The following PWWP2A variants were observed in gnomAD, a reference collection of about 807,000 sequenced individuals.
PWWP2A encodes PWWP domain containing 2A.
A neutral mutation model predicts 48.5 loss-of-function variants in PWWP2A; 18 were observed. The ratio of observed to expected loss-of-function variants is 0.37; its 90% CI spans 0.26 to 0.55. The LOEUF (loss-of-function observed/expected upper bound fraction) is 0.55. PWWP2A is among the 20% of genes least tolerant of loss of function. PWWP2A has a pLI of 0.81. For missense variants in PWWP2A, 867 were observed against 976.4 expected (o/e 0.89, Z 1.49); for synonymous variants, 396 against 387.7 (o/e 1.02, Z -0.25).
At chr5:160,115,928 C>T (rs1344752651) in intron 1 of PWWP2A, among the ~76,000 whole-genome samples, 1 of 151,526 alleles carries the variant, frequency 6.6e-6, no homozygotes, top group Non-Finnish European at 1.5e-5. Context: ...AACATAAGTG[C>T]GAATTACAAA....
In PWWP2A at chr5:160,078,131, C is replaced by T. The variant is rs1220989360; in HGVS notation, c.*24G>A. ...TGGTGTTCTCTGTGTCATTGTGGTA[C>T]AGGTCCATGAAACCAGCAGCCTGCT... On this transcript the variant is annotated 3_prime_UTR_variant, in exon 4 of 4. Transcript: ENST00000456329. This position sits in a 1 kb window ranked among gnomAD's most constrained non-coding sequence, Gnocchi z 4.2. The T allele has an allele frequency of 1.1e-5, 17 of 1,551,546 alleles. No individual in the cohort carries two copies. The highest frequency in any genetic ancestry group is 1.3e-5 in the Non-Finnish European group (15 of 1,143,488).
At chr5:160,088,095 T>A (rs551512832), downstream of PWWP2A, among the ~76,000 whole-genome samples, 1 of 152,366 alleles carries the variant, frequency 6.6e-6, no homozygotes, top group South Asian at 2.1e-4. Flanking sequence ...AACTGTAAAT[T>A]TGGAATATGA....
the PWWP2A span, among the ~76,000 whole-genome samples, chr5:160,045,454 CCACACACACACACACACA>C: frequency 2.1e-3 from 82 of 38,902 alleles, no homozygotes; most frequent in South Asian, 5.0e-3. Context: ...CCCCCACCCT[CCACACACACACACACACA>C]CACACACACA....
intron 1 of PWWP2A, among the ~76,000 whole-genome samples, chr5:160,108,803 C>A (rs1377156578): frequency 6.6e-6 from 1 of 152,178 alleles, no homozygotes. Context: ...TGAAATACAG[C>A]TAGCTACCCC....
chr5:160,105,553 CA>C (rs573797023), intron 1 of PWWP2A: 21,781 of 218,826 alleles, frequency 0.1, 17 homozygotes, highest in Non-Finnish European at 0.11. Flanking sequence ...GACTCCATCT[CA>C]AAAAAAAAAA....
At chr5:160,065,110 G>C in intron 4 of PWWP2A, 1 of 1,593,406 alleles carries the variant, frequency 6.3e-7, no homozygotes, top group Non-Finnish European at 8.5e-7. Flanking sequence ...ATTGTGTGCT[G>C]CTTGCTGTTA....
chr5:160,054,346 G>A, the PWWP2A span, among the ~76,000 whole-genome samples: 1 of 152,224 alleles, frequency 6.6e-6, no homozygotes, highest in Non-Finnish European at 1.5e-5. Context: ...GGGTACAGTA[G>A]CTCATGCCTG....
At chr5:160,053,574 G>A in the PWWP2A span, among the ~76,000 whole-genome samples, 23 of 152,108 alleles carry the variant, frequency 1.5e-4, no homozygotes, top group Non-Finnish European at 2.9e-4. Flanking sequence ...TAAAAAAAAA[G>A]AAAATTATAA....
Position 160,065,167 on chromosome 5 carries a change from T to C in PWWP2A, c.*236+1381A>G, listed in dbSNP as rs2113432413. ...ATGTTTAACTTTTAAAAGCATCTTA[T>C]CTAAAAGAAAGGCTATCCAGTAGAG... On this transcript the variant is annotated intron_variant and NMD_transcript_variant, in intron 4 of 5. Coordinates refer to the PWWP2A transcript ENST00000524050. 4 of 1,505,144 alleles carry C rather than the reference T, an allele frequency of 2.7e-6. No individual in the cohort carries two copies. The East Asian group carries it at 9.1e-5, about 34-fold the overall frequency. The allele number at this position is 1,505,144 out of a possible 1,614,324, so 93.2% of individuals were successfully genotyped here.
At chr5:160,079,802 T>G (rs192722722) in intron 3 of PWWP2A, among the ~76,000 whole-genome samples, 1 of 152,238 alleles carries the variant, frequency 6.6e-6, no homozygotes, top group Admixed American at 6.5e-5. Flanking sequence ...ATCTTAAGGG[T>G]AGCTACCACT....
In PWWP2A at chr5:160,091,704, G is replaced by GACT. The variant is rs2113521845; in HGVS notation, c.*675_*677dup. 1.0e-6 allele frequency: 1 copy of GACT among 985,188 alleles called. No individual in the cohort carries two copies. The highest frequency in any genetic ancestry group is 4.7e-5 in the South Asian group (1 of 21,284). 61.0% of individuals were successfully genotyped at this position (985,188 alleles called of 1,614,324 possible). A position where few individuals can be genotyped will look rare whatever the true frequency, so the allele number is the denominator to read the frequency against. ...TCCCCACTGGACGAAAGACAGTGAT[G>GACT]ACTAACACCTATCCAGTCTTGACAG... On this transcript the variant is annotated 3_prime_UTR_variant, in exon 2 of 2. Transcript: ENST00000307063.
chr5:160,050,409 T>C, the PWWP2A span, among the ~76,000 whole-genome samples: 1 of 152,136 alleles, frequency 6.6e-6, no homozygotes, highest in Non-Finnish European at 1.5e-5. Context: ...ATTGCGCCAC[T>C]GCACTCCAGT....
Position 160,078,083 on chromosome 5 carries a change from A to G in PWWP2A, c.*72T>C. 2.2e-6 allele frequency: 3 copies of G among 1,350,408 alleles called. No individual in the cohort carries two copies. Among genetic ancestry groups the G allele is most frequent in the Non-Finnish European group, 3.1e-6 (3 of 965,636 alleles). The allele number at this position is 1,350,408 out of a possible 1,614,324, so 83.7% of individuals were successfully genotyped here. On this transcript the variant is annotated 3_prime_UTR_variant, in exon 4 of 4. Transcript: ENST00000456329. This position sits in a 1 kb window ranked among gnomAD's most constrained non-coding sequence, Gnocchi z 4.2. ...TTCTTAGTGCAGCTTTAAAAACTCC[A>G]ATTTCATTCAGTCCTGATGCTCTGG...
Position 160,093,115 on chromosome 5 carries a change from G to A in PWWP2A, c.1535C>T (p.Ser512Phe). ...MAPKPQSRCT[S>F]TRSAGEAPSE... ...AGGGGCCTCACCTGCTGAGCGGGTA[G>A]AGGTGCAGCGAGACTGGGGCTTGGG... Residue 512 changes from serine to phenylalanine, a missense_variant, in exon 2 of 2, where the codon TCT (serine) becomes TTT (phenylalanine). Physicochemically the swap from Ser to Phe is radical, Grantham distance 155. Coordinates refer to ENST00000307063, the MANE Select transcript of PWWP2A (RefSeq NM_001130864.2). The surrounding 1 kb of genome is among the most constrained non-coding windows in gnomAD (Gnocchi z 5.8). 1.2e-6 allele frequency: 2 copies of A among 1,613,956 alleles called. No individual in the cohort carries two copies. Among genetic ancestry groups the A allele is most frequent in the Non-Finnish European group, 1.7e-6 (2 of 1,179,880 alleles).
Position 160,113,137 on chromosome 5 carries a change from G to A in PWWP2A, c.584+5668C>T, listed in dbSNP as rs895026884. On this transcript the variant is annotated intron_variant, in intron 1 of 1. Transcript: ENST00000307063. ...CCCGCCACTGCACTCCAGCCTGGGT[G>A]ACAGAAGCAAGACTCTGTGTCAAAA... The A allele has an allele frequency of 2.6e-5, 19 of 735,470 alleles. No individual in the cohort carries two copies. In the African/African-American group the frequency reaches 3.7e-4, roughly 14 times the overall value. The allele number at this position is 735,470 out of a possible 1,614,324, so 45.6% of individuals were successfully genotyped here.
intron 4 of PWWP2A, chr5:160,064,942 A>G: frequency 6.2e-7 from 1 of 1,607,080 alleles, no homozygotes; most frequent in South Asian, 1.1e-5. Flanking sequence ...GTAAATTAAA[A>G]GATCTTGGGA....
downstream of PWWP2A, among the ~76,000 whole-genome samples, chr5:160,057,784 G>T (rs1031335733): frequency 6.6e-6 from 1 of 152,156 alleles, no homozygotes; most frequent in African/African-American, 2.4e-5. This position sits in a 1 kb window ranked among gnomAD's most constrained non-coding sequence, Gnocchi z 4.4. Context: ...GTGTGTGTGT[G>T]TGTGACACAG....
At chr5:160,065,141 A>G in intron 4 of PWWP2A, 1 of 1,560,766 alleles carries the variant, frequency 6.4e-7, no homozygotes, top group Non-Finnish European at 8.6e-7. Context: ...AGGCCCTGCC[A>G]ATGTTTAACT....
intron 2 of PWWP2A, among the ~76,000 whole-genome samples, chr5:160,081,287 G>A (rs998436293): frequency 5.8e-5 from 8 of 137,986 alleles, no homozygotes; most frequent in Non-Finnish European, 1.1e-4. Context: ...TTAGCAGGCT[G>A]GAGTGCAGTG....
Sources: gnomAD v4.1 joint callset for allele counts (sites outside exome capture counted in the v4.1 genomes callset) on GRCh38, gnomAD v4.1.1 for gene constraint, Gnocchi (gnomAD v3.1) non-coding constraint, MANE v1.5 for transcripts, NCBI Gene and HGNC (gene_info 2026-07-23, HGNC 2026-07-21) for gene names.